ADAM20: variants seen among roughly 807,000 people sequenced by gnomAD.
The protein encoded by ADAM20 is ADAM metallopeptidase domain 20.
For synonymous variants in ADAM20, 305 were observed against 310.2 expected, an observed-to-expected ratio of 0.98 and a Z score of 0.18; for missense variants, 871 against 883.2, an observed-to-expected ratio of 0.99 and a Z score of 0.18.
At chr14:70,531,045 A>T (rs2139538607) in intron 1 of ADAM20, among the ~76,000 whole-genome samples, 1 of 152,258 alleles carries the variant, frequency 6.6e-6, no homozygotes, top group Admixed American at 6.5e-5. Flanking sequence ...ATCAATACAA[A>T]TTGGTATTTG....
the ADAM20 span, among the ~76,000 whole-genome samples, chr14:70,574,727 G>A: frequency 6.6e-6 from 1 of 151,976 alleles, no homozygotes; most frequent in African/African-American, 2.4e-5. Flanking sequence ...AACGAAGCCT[G>A]GTGTTAGCAA....
At chr14:70,525,516 C>T (rs997989988) in intron 1 of ADAM20, among the ~76,000 whole-genome samples, 7 of 152,212 alleles carry the variant, frequency 4.6e-5, no homozygotes, top group South Asian at 2.1e-4. Flanking sequence ...GCTGTCATAC[C>T]GAGCAAAATT....
chr14:70,542,958 T>G, the ADAM20 span, among the ~76,000 whole-genome samples: 1 of 149,984 alleles, frequency 6.7e-6, no homozygotes, highest in African/African-American at 2.4e-5. Context: ...AAAAGAGGCC[T>G]ATGTAACAAA....
At chr14:70,534,533 T>C (rs760278375) in intron 1 of ADAM20, among the ~76,000 whole-genome samples, 2 of 152,168 alleles carry the variant, frequency 1.3e-5, no homozygotes, top group Admixed American at 1.3e-4. Flanking sequence ...TGGATGAGCA[T>C]TGAGAATTTT....
At position 70,523,571 on chromosome 14, in the gene ADAM20, T is replaced by A; in HGVS notation, c.1187A>T (p.Gln396Leu). The change falls in exon 2 of 2, where the codon CAA becomes CTA. Residue 396 changes from glutamine to leucine, a missense_variant. Coordinates refer to ENST00000256389, the MANE Select transcript of ADAM20 (RefSeq NM_003814.5). ...TATATTCCCTGGATATGGAGGCGGTTGAATACATAATCCACTACTGATAGT... is the reference window on the plus strand; with the variant it reads ...TATATTCCCTGGATATGGAGGCGGTAGAATACATAATCCACTACTGATAGT... ...DSTISSGLCI[Q>L]PPPYPGNIFR... 6.2e-7 allele frequency: 1 copy of A among 1,614,104 alleles called. No homozygotes were observed. The highest frequency in any genetic ancestry group is 8.5e-7 in the Non-Finnish European group (1 of 1,179,982).
chr14:70,562,490 T>A, the ADAM20 span, among the ~76,000 whole-genome samples: 1 of 152,160 alleles, frequency 6.6e-6, no homozygotes, highest in Non-Finnish European at 1.5e-5. Context: ...ATTTTTGCAA[T>A]GTGAGAATGA....
chr14:70,528,746 A>G (rs1421402171), intron 1 of ADAM20, among the ~76,000 whole-genome samples: 3 of 152,198 alleles, frequency 2.0e-5, no homozygotes, highest in Non-Finnish European at 4.4e-5. Flanking sequence ...AAGAAGAGAA[A>G]ACTATAAACA....
At chr14:70,546,469 G>C in the ADAM20 span, among the ~76,000 whole-genome samples, 1 of 152,106 alleles carries the variant, frequency 6.6e-6, no homozygotes, top group Non-Finnish European at 1.5e-5. Flanking sequence ...AAAGCAAAGA[G>C]GGGACTTCCA....
the ADAM20 span, among the ~76,000 whole-genome samples, chr14:70,577,375 T>A: frequency 6.6e-6 from 1 of 152,128 alleles, no homozygotes; most frequent in African/African-American, 2.4e-5. Flanking sequence ...AAGAGAAGTA[T>A]CATCTGTTAT....
At chr14:70,530,499 C>G (rs1281433081) in intron 1 of ADAM20, among the ~76,000 whole-genome samples, 2 of 152,152 alleles carry the variant, frequency 1.3e-5, no homozygotes, top group East Asian at 3.8e-4. Flanking sequence ...TTATGTACTA[C>G]ACATAATTGC....
In ADAM20 at chr14:70,523,548, T is replaced by C; in HGVS notation, c.1210A>G (p.Ile404Val). The stretch of plus-strand genomic sequence containing the variant: ...TTCCCACAGTACTTCAGTCTAAATA[T>C]ATTCCCTGGATATGGAGGCGGTTGA... ...CIQPPPYPGN[I>V]FRLKYCGNLV... The change falls in exon 2 of 2, where the codon ATA becomes GTA. Residue 404 changes from isoleucine (I) to valine (V), a missense_variant. By Grantham distance (29) the Ile-to-Val change is conservative (BLOSUM62 3). Coordinates refer to ENST00000256389, the MANE Select transcript of ADAM20 (RefSeq NM_003814.5). The C allele has an allele frequency of 6.2e-7, 1 of 1,614,096 alleles. No homozygotes were observed. Among genetic ancestry groups the C allele is most frequent in the Non-Finnish European group, 8.5e-7 (1 of 1,179,984 alleles).
the ADAM20 span, chr14:70,547,559 T>C: frequency 2.1e-5 from 2 of 94,804 alleles, no homozygotes; most frequent in Admixed American, 2.2e-4. Flanking sequence ...ACCTGGAAAA[T>C]CGGGTCACTC....
At chr14:70,550,021 A>G in the ADAM20 span, among the ~76,000 whole-genome samples, 1 of 42,504 alleles carries the variant, frequency 2.4e-5, no homozygotes, top group Non-Finnish European at 4.1e-5. Context: ...CCACTCAACT[A>G]CATGGAAACT....
At chr14:70,553,894 G>C in the ADAM20 span, among the ~76,000 whole-genome samples, 1 of 152,128 alleles carries the variant, frequency 6.6e-6, no homozygotes, top group Non-Finnish European at 1.5e-5. Flanking sequence ...GATGCCCACT[G>C]TCACCACTGT....
chr14:70,579,060 G>A, the ADAM20 span, among the ~76,000 whole-genome samples: 9 of 152,178 alleles, frequency 5.9e-5, no homozygotes, highest in South Asian at 1.0e-3. Flanking sequence ...TGGTGTATAG[G>A]TACATTTTTA....
At position 70,523,312 on chromosome 14, in the gene ADAM20, G is replaced by C. The variant is rs777844237; in HGVS notation, c.1446C>G (p.Ser482=). 24 of 1,613,842 alleles carry C rather than the reference G, an allele frequency of 1.5e-5. No homozygotes were observed. The African/African-American group carries it at 2.8e-4, about 19-fold the overall frequency. ...CDLPEWCNGT[S]HQCPDDVYVQ... ...CATACACATCATCTGGGCATTGATG[G>C]GATGTCCCATTGCACCACTCTGGAA... The change falls in exon 2 of 2, where the codon TCC becomes TCG. Residue 482 remains serine, a synonymous_variant. Transcript: ENST00000256389.
chr14:70,579,379 CTGACA>C, the ADAM20 span, among the ~76,000 whole-genome samples: 1 of 152,172 alleles, frequency 6.6e-6, no homozygotes, highest in Non-Finnish European at 1.5e-5. Context: ...GCCATCCTGA[CTGACA>C]TGAGATGGTA....
chr14:70,573,289 A>G, the ADAM20 span, among the ~76,000 whole-genome samples: 1 of 152,338 alleles, frequency 6.6e-6, no homozygotes, highest in Non-Finnish European at 1.5e-5. Context: ...AGCAACATGA[A>G]TGCAGCTGGA....
At chr14:70,570,730 A>T in the ADAM20 span, among the ~76,000 whole-genome samples, 31 of 152,320 alleles carry the variant, frequency 2.0e-4, no homozygotes, top group African/African-American at 6.5e-4. Context: ...TGTTATAGGA[A>T]ATCAAGGACA....
Sources: allele counts gnomAD v4.1 joint callset (sites outside exome capture counted in the v4.1 genomes callset), GRCh38; gene constraint gnomAD v4.1.1; transcripts MANE v1.5; gene names NCBI Gene and HGNC (gene_info 2026-07-23, HGNC 2026-07-21).